THAP6: variants seen among roughly 807,000 people sequenced by gnomAD.
THAP6 encodes the protein THAP domain containing 6.
In THAP6, 13 loss-of-function variants were observed where a neutral mutation model predicts 20.0. The observed-to-expected ratio is 0.65, with a 90% CI of 0.42 to 1.03. The LOEUF (loss-of-function observed/expected upper bound fraction) is 1.03. Among genes scored for constraint, THAP6 ranks in the 50% least tolerant of loss-of-function variants. The pLI is 0.00. For synonymous variants in THAP6, 93 were observed against 92.2 expected (o/e 1.01, Z -0.05); for missense variants, 262 against 261.6 (o/e 1.00, Z -0.01).
Position 75,539,503 on chromosome 4 carries a change from T to C in THAP6, c.166-2906T>C, listed in dbSNP as rs375780910. Among the ~76,000 whole-genome samples, 10 of 152,324 alleles carry C rather than the reference T, an allele frequency of 6.6e-5. No individual in the cohort carries two copies. In the East Asian group the frequency reaches 1.2e-3, roughly 18 times the overall value. ...GTGGCAATTAAAGGTACTGAAACTA[T>C]GAAATTAATGGAGCTTCAAAATTAC... On this transcript the variant is annotated intron_variant, in intron 2 of 4. Transcript: ENST00000502620.
Position 75,514,475 on chromosome 4 carries a change from A to T in THAP6, c.-66A>T, listed in dbSNP as rs1578252274. ...GGCTACGAGGCGGAAGCGAAGGCAG[A>T]CGCAGTCTCCGTCGTTGACGTTAGT... On this transcript the variant is annotated 5_prime_UTR_variant, in exon 1 of 5. Coordinates refer to ENST00000311638, the MANE Select transcript of THAP6 (RefSeq NM_144721.6). The T allele has an allele frequency of 1.8e-6, 1 of 570,460 alleles. No homozygotes were observed. The allele number at this position is 570,460 out of a possible 1,614,324, so 35.3% of individuals were successfully genotyped here. A position where few individuals can be genotyped will look rare whatever the true frequency, so the allele number is the denominator to read the frequency against.
chr4:75,517,570 G>GT (rs1389350398), intron 3 of THAP6: 1 of 152,392 alleles, frequency 6.6e-6, no homozygotes, highest in Non-Finnish European at 1.5e-5. Context: ...GGAAGTTAAC[G>GT]TAAGAAGGTT....
intron 2 of THAP6, among the ~76,000 whole-genome samples, chr4:75,541,272 G>T (rs1474158274): frequency 6.6e-6 from 1 of 152,068 alleles, no homozygotes; most frequent in Non-Finnish European, 1.5e-5. Context: ...AAACCGTGGC[G>T]TGCCCATGGA....
At chr4:75,523,290 C>T (rs1205610443) in intron 4 of THAP6, among the ~76,000 whole-genome samples, 1 of 152,038 alleles carries the variant, frequency 6.6e-6, no homozygotes, top group African/African-American at 2.4e-5. Flanking sequence ...AGTATTTAAT[C>T]GAATTTTTAG....
At chr4:75,544,684 T>G (rs77874726) in intron 3 of THAP6, 1 of 152,078 alleles carries the variant, frequency 6.6e-6, no homozygotes, top group Admixed American at 6.6e-5. Context: ...TTTTTTTTTT[T>G]AGACAAAGGT....
rs1489276023 is a variant in THAP6 at position 75,537,204 on chromosome 4, G to A, written c.166-5205G>A. On this transcript the variant is annotated intron_variant, in intron 2 of 4. Transcript: ENST00000502620. Reference sequence around the variant, plus strand: ...GTCTAGGGGGGGCACCAAAACTAACGGGGACTGTGAAAGAATAATGCCCCC... The same window carrying A: ...GTCTAGGGGGGGCACCAAAACTAACAGGGACTGTGAAAGAATAATGCCCCC... Among the ~76,000 whole-genome samples the A allele has an allele frequency of 3.9e-5, 6 of 152,188 alleles. No individual in the cohort carries two copies. In the South Asian group the frequency reaches 1.2e-3, roughly 32 times the overall value.
chr4:75,534,414 A>C (rs1374508437), downstream of THAP6, among the ~76,000 whole-genome samples: 1 of 152,236 alleles, frequency 6.6e-6, no homozygotes, highest in Non-Finnish European at 1.5e-5. Context: ...AATTAATTCA[A>C]GATGGATTAA....
intron 3 of THAP6, 51 bp downstream of exon 3, chr4:75,517,030 T>C: frequency 6.9e-7 from 1 of 1,454,394 alleles, no homozygotes; most frequent in Non-Finnish European, 9.4e-7. Flanking sequence ...TTTTTTTTTT[T>C]TTTTTTGAGA....
At chr4:75,537,383 G>A (rs1726890634) in intron 2 of THAP6, among the ~76,000 whole-genome samples, 1 of 152,108 alleles carries the variant, frequency 6.6e-6, no homozygotes, top group Admixed American at 6.5e-5. Flanking sequence ...AATCATGAGA[G>A]CGGTTTCCCC....
At position 75,516,841 on chromosome 4, in the gene THAP6, C is replaced by A; in HGVS notation, c.150C>A (p.Ala50=). Residue 50 remains alanine, a synonymous_variant, in exon 3 of 5, where the codon GCC becomes GCA. Transcript: ENST00000311638. ...TGAAAAGACTTGATGTGAATGCAGCCGGCATTTGGGAGCCTAAAAAAGGAG... is the reference window on the plus strand; with the variant it reads ...TGAAAAGACTTGATGTGAATGCAGCAGGCATTTGGGAGCCTAAAAAAGGAG... ...LAMKRLDVNA[A]GIWEPKKGDV... is the part of the protein sequence containing the mutation. 1 of 1,613,916 alleles carries A rather than the reference C, an allele frequency of 6.2e-7. No individual in the cohort carries two copies. The highest frequency in any genetic ancestry group is 8.5e-7 in the Non-Finnish European group (1 of 1,179,974).
At chr4:75,533,523 C>T (rs1246182305), downstream of THAP6, among the ~76,000 whole-genome samples, 1 of 152,172 alleles carries the variant, frequency 6.6e-6, no homozygotes, top group Non-Finnish European at 1.5e-5. Context: ...TCCATCAGCA[C>T]CCCACTCTCG....
intron 2 of THAP6, among the ~76,000 whole-genome samples, chr4:75,516,112 T>C (rs1194721045): frequency 3.3e-5 from 5 of 152,242 alleles, no homozygotes. Context: ...CTGTCCTATG[T>C]GTTAGAGAAA....
chr4:75,533,609 AAG>A (rs945896510), downstream of THAP6, among the ~76,000 whole-genome samples: 3 of 152,208 alleles, frequency 2.0e-5, no homozygotes, highest in Non-Finnish European at 4.4e-5. Flanking sequence ...TTACAAAAGA[AAG>A]AAGTTAAATG....
intron 1 of THAP6, 49 bp from the exon 2 acceptor site, chr4:75,515,384 C>T: frequency 2.0e-6 from 3 of 1,524,558 alleles, no homozygotes; most frequent in Non-Finnish European, 1.8e-6. Flanking sequence ...GAAAATATTC[C>T]CCTTCAGCTT....
downstream of THAP6, among the ~76,000 whole-genome samples, chr4:75,531,146 CTGTT>C (rs1726668000): frequency 6.6e-6 from 1 of 152,208 alleles, no homozygotes; most frequent in African/African-American, 2.4e-5. Flanking sequence ...CTGTGCCAGA[CTGTT>C]TGTACAGACA....
rs1034310521 is a variant in THAP6 at position 75,526,822 on chromosome 4, T to G, written c.415-138T>G. 18 of 1,301,868 alleles carry G rather than the reference T, an allele frequency of 1.4e-5. No homozygotes were observed. In the African/African-American group the frequency reaches 2.5e-4, roughly 18 times the overall value. 80.6% of individuals were successfully genotyped at this position (1,301,868 alleles called of 1,614,324 possible). ...ATTGCTTCTACCCCCATCTTCTTCCTGTGTTCCTTAAACCTCTATCACCAA... is the reference window on the plus strand; with the variant it reads ...ATTGCTTCTACCCCCATCTTCTTCCGGTGTTCCTTAAACCTCTATCACCAA... On this transcript the variant is annotated intron_variant, in intron 4 of 4. Transcript: ENST00000311638.
chr4:75,516,865 A>G lies in THAP6; in HGVS notation c.174A>G (p.Gly58=). 1.2e-6 allele frequency: 2 copies of G among 1,614,120 alleles called. No homozygotes were observed. The highest frequency in any genetic ancestry group is 1.7e-6 in the Non-Finnish European group (2 of 1,180,024). ...CCGGCATTTGGGAGCCTAAAAAAGGAGATGTGTTGTGTTCGAGGCACTTTA... is the reference window on the plus strand; with the variant it reads ...CCGGCATTTGGGAGCCTAAAAAAGGGGATGTGTTGTGTTCGAGGCACTTTA... ...NAAGIWEPKK[G]DVLCSRHFKK... The change falls in exon 3 of 5, where the codon GGA becomes GGG. Residue 58 remains glycine (G), a synonymous_variant. Transcript: ENST00000311638.
chr4:75,523,980 T>G (rs1164818021), intron 4 of THAP6, among the ~76,000 whole-genome samples: 1 of 152,192 alleles, frequency 6.6e-6, no homozygotes, highest in African/African-American at 2.4e-5. Context: ...TTTTTCTGCA[T>G]ATGGATATCC....
Position 75,526,945 on chromosome 4 carries a change from T to G in THAP6, c.415-15T>G. ...ATATCTGTCTGATTTAATAACTTGG[T>G]GTTTATGTTTTTAGGAACATAGCTA... On this transcript the variant is annotated splice_polypyrimidine_tract_variant and intron_variant, in intron 4 of 4. Transcript: ENST00000311638. The G allele has an allele frequency of 5.0e-6, 8 of 1,608,952 alleles. No homozygotes were observed. Among genetic ancestry groups the G allele is most frequent in the Non-Finnish European group, 6.8e-6 (8 of 1,176,764 alleles).
Sources: allele counts gnomAD v4.1 joint callset (sites outside exome capture counted in the v4.1 genomes callset), GRCh38; gene constraint gnomAD v4.1.1; transcripts MANE v1.5; gene names NCBI Gene and HGNC (gene_info 2026-07-23, HGNC 2026-07-21).